The following ZNF331 variants were observed in gnomAD, a reference collection of about 807,000 sequenced individuals.
ZNF331 encodes the protein C2H2-like zinc finger protein rearranged in thyroid adenomas.
A neutral mutation model predicts 7.0 loss-of-function variants in ZNF331; 2 were observed. The ratio of observed to expected loss-of-function variants is 0.29; its 90% confidence interval spans 0.12 to 0.90. The LOEUF is 0.90. Among genes scored for constraint, ZNF331 ranks in the 40% least tolerant of loss-of-function variants. ZNF331 has a pLI of 0.58. For synonymous variants in ZNF331, 196 were observed against 205.4 expected (o/e 0.95, Z 0.39); for missense variants, 432 against 587.7 (o/e 0.74, Z 2.74).
chr19:53,506,232 G>C, the ZNF331 span, among the ~76,000 whole-genome samples: 1 of 130,974 alleles, frequency 7.6e-6, no homozygotes, highest in African/African-American at 3.0e-5. Flanking sequence ...CTACTCGGGA[G>C]GCTGAGGCAG....
At chr19:53,574,937 C>CTTTTTTTT (rs11354144) in intron 5 of ZNF331, among the ~76,000 whole-genome samples, 2 of 119,518 alleles carry the variant, frequency 1.7e-5, no homozygotes, top group Non-Finnish European at 3.4e-5. Flanking sequence ...TTTTTCTTTT[C>CTTTTTTTT]TTTTTTTTTT....
At chr19:53,506,500 C>G in the ZNF331 span, among the ~76,000 whole-genome samples, 82 of 139,200 alleles carry the variant, frequency 5.9e-4, 2 homozygotes, top group African/African-American at 2.3e-3. Flanking sequence ...CTCTCTCTCT[C>G]TCTCTCTGTC....
chr19:53,559,564 CATAT>C, intron 3 of ZNF331, among the ~76,000 whole-genome samples: 1 of 150,624 alleles, frequency 6.6e-6, no homozygotes, highest in East Asian at 2.0e-4. Flanking sequence ...TACACACCTA[CATAT>C]ATACACACAT....
chr19:53,524,800 T>C (rs1439525860), intron 2 of ZNF331, among the ~76,000 whole-genome samples: 1 of 152,226 alleles, frequency 6.6e-6, no homozygotes, highest in Non-Finnish European at 1.5e-5. Flanking sequence ...TGGCTTTTGG[T>C]GCCATTGCTT....
the ZNF331 span, among the ~76,000 whole-genome samples, chr19:53,507,671 G>A: frequency 2.6e-5 from 4 of 152,168 alleles, no homozygotes; most frequent in Non-Finnish European, 5.9e-5. Context: ...CCAGCCACGT[G>A]GAACCTGCAG....
chr19:53,526,657 A>G (rs1360741514), intron 2 of ZNF331, among the ~76,000 whole-genome samples: 1 of 150,922 alleles, frequency 6.6e-6, no homozygotes, highest in East Asian at 2.0e-4. Context: ...GGTTCACGCC[A>G]TTCTCCTGCC....
At chr19:53,535,752 T>G (rs1271506829), upstream of ZNF331, among the ~76,000 whole-genome samples, 2 of 152,168 alleles carry the variant, frequency 1.3e-5, no homozygotes, top group Admixed American at 1.3e-4. Context: ...ACTGTAACAT[T>G]TCAAAGGTAT....
chr19:53,522,447 A>G (rs8100810), intron 1 of ZNF331, among the ~76,000 whole-genome samples: 61,490 of 151,704 alleles, frequency 0.41, 12,721 homozygotes, highest in Middle Eastern at 0.49. Context: ...ATGTTGGCAT[A>G]GGTGATCTCG....
In ZNF331 at chr19:53,579,716, T is replaced by G. The variant is rs1282345767; in HGVS notation, c.*1764T>G. 2 of 198,088 alleles carry G rather than the reference T, an allele frequency of 1.0e-5. No individual in the cohort carries two copies. The highest frequency in any genetic ancestry group is 4.6e-5 in the African/African-American group (2 of 43,408). The allele number at this position is 198,088 out of a possible 1,614,324, so 12.3% of individuals were successfully genotyped here. ...CACAGCCGTGGGTTACGCAATGATT[T>G]CTTAGTACACAAAACACAGCAAACA... On this transcript the variant is annotated 3_prime_UTR_variant, in exon 6 of 6. Transcript: ENST00000449416.
At chr19:53,531,977 TTTTTTA>T (rs1483668114) in intron 2 of ZNF331, among the ~76,000 whole-genome samples, 2 of 152,204 alleles carry the variant, frequency 1.3e-5, no homozygotes, top group Non-Finnish European at 2.9e-5. Flanking sequence ...ACATCCTTTA[TTTTTTA>T]TTTTTATTTG....
intron 2 of ZNF331, among the ~76,000 whole-genome samples, chr19:53,525,033 A>G (rs1286068731): frequency 1.3e-5 from 2 of 152,152 alleles, no homozygotes; most frequent in Non-Finnish European, 2.9e-5. Flanking sequence ...TCCTTTCCCC[A>G]TTTCTTGTTT....
At chr19:53,565,717 C>T (rs912030860) in intron 3 of ZNF331, among the ~76,000 whole-genome samples, 11 of 150,634 alleles carry the variant, frequency 7.3e-5, no homozygotes, top group Non-Finnish European at 1.2e-4. Context: ...CTAGTAGGGA[C>T]GGGGTTTCAC....
rs772573398 is a variant in ZNF331, at chr19:53,577,902, T to A, written c.1342T>A (p.Cys448Ser). ...SYECKECGKA[C>S]NHLNHLREHQ... ...CGAATGTAAGGAGTGCGGGAAGGCA[T>A]GTAACCACCTAAACCATCTCCGAGA... Residue 448 changes from cysteine to serine, a missense_variant, in exon 6 of 6, where the codon TGT becomes AGT. Transcript: ENST00000449416. The A allele has an allele frequency of 6.2e-7, 1 of 1,613,756 alleles. No individual in the cohort carries two copies. The highest frequency in any genetic ancestry group is 1.1e-5 in the South Asian group (1 of 91,078).
chr19:53,538,970 A>G (rs562703735), intron 1 of ZNF331: 1 of 152,292 alleles, frequency 6.6e-6, no homozygotes, highest in Non-Finnish European at 1.5e-5. Context: ...TTTCAGAGCC[A>G]GAAGTGCTGT....
intron 2 of ZNF331, among the ~76,000 whole-genome samples, chr19:53,528,685 A>C (rs372007517): frequency 6.6e-6 from 1 of 152,156 alleles, no homozygotes; most frequent in Non-Finnish European, 1.5e-5. Context: ...ATACATCATA[A>C]ATGCTTTCTC....
At chr19:53,530,413 G>T (rs1169391388) in intron 2 of ZNF331, among the ~76,000 whole-genome samples, 1 of 151,922 alleles carries the variant, frequency 6.6e-6, no homozygotes, top group Non-Finnish European at 1.5e-5. Flanking sequence ...ATTTAGACGG[G>T]GCAAGTATTC....
At chr19:53,556,772 G>C (rs953418437) in intron 3 of ZNF331, among the ~76,000 whole-genome samples, 1 of 151,912 alleles carries the variant, frequency 6.6e-6, no homozygotes, top group East Asian at 1.9e-4. Flanking sequence ...CAAGTAGCTG[G>C]GGCTACTGGT....
rs768548266 is a variant in ZNF331 at position 53,546,139 on chromosome 19, GGAAAAAAA to G, written c.-138+6858_-138+6865del. Among the ~76,000 whole-genome samples the G allele has an allele frequency of 5.9e-3, 176 of 29,878 alleles. 1 individual carries two copies. The highest frequency in any genetic ancestry group is 0.071 in the Middle Eastern group (2 of 28). The allele number at this position is 29,878 out of a possible 152,430, so 19.6% of individuals were successfully genotyped here. A position where few individuals can be genotyped will look rare whatever the true frequency, so the allele number is the denominator to read the frequency against. On this transcript the variant is annotated intron_variant, in intron 2 of 5. Transcript: ENST00000449416. Reference sequence around the variant, plus strand: ...TCCTTCAGAAAAAGCATCCTGAGGGGGAAAAAAAAAAAAAAAAAAAAATTATTATTTAG... The same window carrying G: ...TCCTTCAGAAAAAGCATCCTGAGGGGAAAAAAAAAAAAAATTATTATTTAG...
chr19:53,574,520 C>T (rs2090610259), intron 5 of ZNF331, among the ~76,000 whole-genome samples: 1 of 141,110 alleles, frequency 7.1e-6, no homozygotes, highest in Non-Finnish European at 1.5e-5. Context: ...GCTGGTGCTG[C>T]TGGTCTGTGG....
Sources: allele counts gnomAD v4.1 joint callset (sites outside exome capture counted in the v4.1 genomes callset), GRCh38; gene constraint gnomAD v4.1.1; transcripts MANE v1.5; gene names NCBI Gene and HGNC (gene_info 2026-07-23, HGNC 2026-07-21).